LNX1: variants seen among roughly 807,000 people sequenced by gnomAD.
The protein encoded by LNX1 is ligand of numb-protein X 1, also known as E3 ubiquitin-protein ligase LNX.
In LNX1, 54 loss-of-function variants were observed where a neutral mutation model predicts 68.4. The observed-to-expected ratio is 0.79, with a 90% confidence interval of 0.63 to 0.99. LNX1 has a LOEUF of 0.99. Among genes scored for constraint, LNX1 ranks in the 50% least tolerant of loss-of-function variants. The pLI, the probability that LNX1 is intolerant of heterozygous loss-of-function variation, is 0.00. For missense variants in LNX1, 906 were observed against 926.4 expected (o/e 0.98, Z 0.29); for synonymous variants, 336 against 350.0 (o/e 0.96, Z 0.45).
In LNX1 at chr4:53,508,039, T is replaced by C. The variant is rs1726043057; in HGVS notation, c.569A>G (p.Asp190Gly). ...DNPAYVSSAEDGQPAISPVDS... is the reference protein window; with the variant it reads ...DNPAYVSSAEGGQPAISPVDS... ...CACTGGGCTGATTGCTGGCTGCCCGTCCTCTGCCGAGGACACGTAGGCAGG... is the reference window on the plus strand; with the variant it reads ...CACTGGGCTGATTGCTGGCTGCCCGCCCTCTGCCGAGGACACGTAGGCAGG... Residue 190 changes from aspartate to glycine, a missense_variant, in exon 3 of 11, where the codon GAC becomes GGC. Physicochemically the swap from Asp to Gly is moderately conservative, Grantham distance 94 (BLOSUM62 -1). Transcript: ENST00000263925. 1.2e-6 allele frequency: 2 copies of C among 1,613,964 alleles called. No individual in the cohort carries two copies. The highest frequency in any genetic ancestry group is 2.7e-5 in the African/African-American group (2 of 74,926).
At chr4:53,559,739 C>T (rs1238270991) in intron 2 of LNX1, among the ~76,000 whole-genome samples, 1 of 151,654 alleles carries the variant, frequency 6.6e-6, no homozygotes, top group Non-Finnish European at 1.5e-5. Context: ...TGGTGAACTC[C>T]TGGGCTCAAG....
chr4:53,651,333 C>T (rs17663485), intron 1 of LNX1, among the ~76,000 whole-genome samples: 17,377 of 152,216 alleles, frequency 0.11, 1,158 homozygotes, highest in Non-Finnish European at 0.16. Flanking sequence ...CCTTGGGCAC[C>T]GGACTTGCAC....
At chr4:53,639,138 G>A (rs368562142) in intron 1 of LNX1, among the ~76,000 whole-genome samples, 59 of 152,286 alleles carry the variant, frequency 3.9e-4, no homozygotes, top group African/African-American at 1.1e-3. Flanking sequence ...ACACCATGAA[G>A]TACTATGCAT....
intron 5 of LNX1, among the ~76,000 whole-genome samples, chr4:53,497,082 AG>A (rs1351798629): frequency 6.6e-5 from 10 of 152,336 alleles, no homozygotes; most frequent in African/African-American, 2.4e-4. Context: ...CTGATATGAA[AG>A]GAAGTTTCCA....
At chr4:53,650,126 G>A (rs538850702) in intron 1 of LNX1, among the ~76,000 whole-genome samples, 2 of 152,312 alleles carry the variant, frequency 1.3e-5, no homozygotes, top group South Asian at 4.1e-4. Flanking sequence ...CAGGCCTGAT[G>A]CTGAGGACAC....
At chr4:53,634,908 G>T (rs1334893872) in intron 1 of LNX1, among the ~76,000 whole-genome samples, 2 of 151,690 alleles carry the variant, frequency 1.3e-5, no homozygotes, top group African/African-American at 2.4e-5. Context: ...TGGGATCGTA[G>T]CTCACTGCAT....
chr4:53,459,505 G>GTTA lies in LNX1; in HGVS notation c.*1399_*1401dup. The GTTA allele has an allele frequency of 2.5e-6, 4 of 1,605,684 alleles. No homozygotes were observed. Among genetic ancestry groups the GTTA allele is most frequent in the Non-Finnish European group, 3.4e-6 (4 of 1,174,944 alleles). ...ACCAGAAGTAGATACTATAAATCTTGTTATTTTTCTGGATAATGTTTAAGA... is the reference window on the plus strand; with the variant it reads ...ACCAGAAGTAGATACTATAAATCTTGTTATTATTTTTCTGGATAATGTTTAAGA... On this transcript the variant is annotated 3_prime_UTR_variant, in exon 11 of 11. Coordinates refer to ENST00000263925, the MANE Select transcript of LNX1 (RefSeq NM_001126328.3).
intron 2 of LNX1, among the ~76,000 whole-genome samples, chr4:53,526,116 T>C (rs75398409): frequency 8.0e-6 from 1 of 125,074 alleles, no homozygotes; most frequent in Non-Finnish European, 1.8e-5. Context: ...AAAGAAAAAA[T>C]ATTAAAAAAA....
At chr4:53,620,384 A>T (rs1055948388), upstream of LNX1, among the ~76,000 whole-genome samples, 1 of 152,220 alleles carries the variant, frequency 6.6e-6, no homozygotes, top group Non-Finnish European at 1.5e-5. Context: ...AGTGGGATCC[A>T]CCAATCTGTG....
At chr4:53,464,721 C>CTATT (rs1472859114) in intron 9 of LNX1, among the ~76,000 whole-genome samples, 1 of 151,978 alleles carries the variant, frequency 6.6e-6, no homozygotes, top group African/African-American at 2.4e-5. Flanking sequence ...TTCTACTACA[C>CTATT]TATTAGCAGA....
chr4:53,542,637 T>C (rs1298442515), intron 2 of LNX1, among the ~76,000 whole-genome samples: 1 of 152,166 alleles, frequency 6.6e-6, no homozygotes, highest in South Asian at 2.1e-4. Context: ...TGGGTACATC[T>C]GCAATTAGAG....
chr4:53,496,402 C>A lies in LNX1; in HGVS notation c.979-8G>T. ...GATGTCCATCCCGTTGACCTGGGGG[C>A]AGGTGGAACAATCGTGCGGTCAGCT... On this transcript the variant is annotated splice_polypyrimidine_tract_variant and splice_region_variant and intron_variant, in intron 5 of 10. Transcript: ENST00000263925. The A allele has an allele frequency of 1.3e-6, 2 of 1,588,780 alleles. No individual in the cohort carries two copies. Among genetic ancestry groups the A allele is most frequent in the Non-Finnish European group, 8.6e-7 (1 of 1,166,594 alleles).
At chr4:53,638,839 A>T (rs546023284) in intron 1 of LNX1, among the ~76,000 whole-genome samples, 1 of 152,312 alleles carries the variant, frequency 6.6e-6, no homozygotes, top group Non-Finnish European at 1.5e-5. Flanking sequence ...AAAACAACAG[A>T]TGTTAGCAAA....
chr4:53,647,815 A>G (rs947759253), intron 1 of LNX1, among the ~76,000 whole-genome samples: 2 of 152,320 alleles, frequency 1.3e-5, no homozygotes, highest in Non-Finnish European at 2.9e-5. Context: ...TTCTGTCTCT[A>G]TGAATTTGAC....
intron 1 of LNX1, among the ~76,000 whole-genome samples, chr4:53,578,873 G>T (rs1731655977): frequency 6.6e-6 from 1 of 152,048 alleles, no homozygotes; most frequent in Admixed American, 6.6e-5. Flanking sequence ...TGAGATAATT[G>T]ACTGAACAAG....
At chr4:53,538,551 C>A (rs940204988) in intron 2 of LNX1, among the ~76,000 whole-genome samples, 1 of 152,188 alleles carries the variant, frequency 6.6e-6, no homozygotes, top group African/African-American at 2.4e-5. Context: ...TCTGAATAAG[C>A]CCTACAATAG....
chr4:53,514,584 C>G (rs1447571386), intron 2 of LNX1, among the ~76,000 whole-genome samples: 1 of 152,208 alleles, frequency 6.6e-6, no homozygotes. Flanking sequence ...CCCCATGATT[C>G]ATGGATCTCC....
At chr4:53,606,909 C>T (rs926198435) in intron 2 of LNX1, among the ~76,000 whole-genome samples, 1 of 152,094 alleles carries the variant, frequency 6.6e-6, no homozygotes, top group African/African-American at 2.4e-5. Context: ...ATTCAACATC[C>T]CTTCATGTTA....
chr4:53,597,187 C>T (rs769658972), intron 2 of LNX1, among the ~76,000 whole-genome samples: 15 of 152,168 alleles, frequency 9.9e-5, no homozygotes, highest in Non-Finnish European at 1.6e-4. Flanking sequence ...ATGCTAGCTG[C>T]ACTTGTCACT....
Sources: gnomAD v4.1 joint callset for allele counts (sites outside exome capture counted in the v4.1 genomes callset) on GRCh38, gnomAD v4.1.1 for gene constraint, MANE v1.5 for transcripts, NCBI Gene and HGNC (gene_info 2026-07-23, HGNC 2026-07-21) for gene names.